Variants in PDZRN4 observed in about 807,000 individuals in gnomAD.
PDZRN4 encodes PDZ domain containing ring finger 4.
PDZRN4 carries 70 observed loss-of-function variants against 99.0 expected under a neutral mutation model. The ratio of observed to expected loss-of-function variants is 0.71; its 90% CI spans 0.58 to 0.86. The LOEUF (loss-of-function observed/expected upper bound fraction) is 0.86, where lower values mean the gene tolerates loss of function less well. Among genes scored for constraint, PDZRN4 ranks in the 40% least tolerant of loss-of-function variants. PDZRN4 has a pLI of 0.00. For missense variants in PDZRN4, 1,474 were observed against 1,331.2 expected (o/e 1.11, Z -1.67); for synonymous variants, 551 against 501.6 (o/e 1.10, Z -1.32).
intron 3 of PDZRN4, among the ~76,000 whole-genome samples, chr12:41,300,248 TAA>T (rs1371372822): frequency 1.3e-5 from 2 of 151,922 alleles, no homozygotes; most frequent in Non-Finnish European, 2.9e-5. Context: ...TCTTCTGAAA[TAA>T]GTGTATTTAT....
intron 9 of PDZRN4, among the ~76,000 whole-genome samples, chr12:41,568,443 GTAT>G (rs1304139282): frequency 2.0e-5 from 3 of 152,112 alleles, no homozygotes; most frequent in Non-Finnish European, 4.4e-5. Flanking sequence ...ATTTCCCATA[GTAT>G]AACTTGTGCA....
chr12:41,441,206 T>C (rs979891478), intron 3 of PDZRN4, among the ~76,000 whole-genome samples: 4 of 152,166 alleles, frequency 2.6e-5, no homozygotes, highest in Non-Finnish European at 5.9e-5. Context: ...TCTCATATTG[T>C]GATATGCAAG....
chr12:41,481,919 TAAG>T (rs1937679650), intron 3 of PDZRN4, among the ~76,000 whole-genome samples: 1 of 152,178 alleles, frequency 6.6e-6, no homozygotes, highest in Non-Finnish European at 1.5e-5. Flanking sequence ...TTTACCCGAT[TAAG>T]AAGAATAATT....
At chr12:41,254,085 C>A (rs1951188833) in intron 3 of PDZRN4, among the ~76,000 whole-genome samples, 1 of 150,976 alleles carries the variant, frequency 6.6e-6, no homozygotes, top group Non-Finnish European at 1.5e-5. Flanking sequence ...TACCTTTGAA[C>A]TACACACTTA....
At chr12:41,414,697 A>T (rs1430183233) in intron 3 of PDZRN4, among the ~76,000 whole-genome samples, 1 of 152,190 alleles carries the variant, frequency 6.6e-6, no homozygotes, top group Non-Finnish European at 1.5e-5. Flanking sequence ...GAAGCAGATA[A>T]GCATATATGA....
At chr12:41,346,133 G>A (rs149652636) in intron 3 of PDZRN4, among the ~76,000 whole-genome samples, 224 of 152,218 alleles carry the variant, frequency 1.5e-3, no homozygotes, top group African/African-American at 4.9e-3. Context: ...GATCTTGTGC[G>A]CATCCCCTGA....
At chr12:41,445,290 T>C (rs1952715750) in intron 3 of PDZRN4, among the ~76,000 whole-genome samples, 1 of 152,136 alleles carries the variant, frequency 6.6e-6, no homozygotes, top group Non-Finnish European at 1.5e-5. Context: ...ATTTCAATTT[T>C]GGTTACAAAT....
intron 3 of PDZRN4, among the ~76,000 whole-genome samples, chr12:41,389,181 T>C (rs943384618): frequency 3.3e-5 from 5 of 152,178 alleles, no homozygotes; most frequent in African/African-American, 4.8e-5. Context: ...AGATCTAAAA[T>C]GGAGTGTACT....
At chr12:41,339,253 G>A (rs143936959) in intron 3 of PDZRN4, among the ~76,000 whole-genome samples, 10 of 152,098 alleles carry the variant, frequency 6.6e-5, no homozygotes, top group African/African-American at 1.9e-4. Flanking sequence ...ACAGAATAGA[G>A]AACACATAAA....
chr12:41,384,115 G>C (rs1245487202), intron 3 of PDZRN4, among the ~76,000 whole-genome samples: 1 of 150,428 alleles, frequency 6.6e-6, no homozygotes, highest in Non-Finnish European at 1.5e-5. Flanking sequence ...CGATTCTATA[G>C]AGACTAAGCT....
chr12:41,433,398 G>T (rs1952601402), intron 3 of PDZRN4, among the ~76,000 whole-genome samples: 1 of 152,268 alleles, frequency 6.6e-6, no homozygotes, highest in Admixed American at 6.5e-5. Flanking sequence ...GTCTCTCTGG[G>T]CCTCAGGTTC....
intron 3 of PDZRN4, among the ~76,000 whole-genome samples, chr12:41,464,716 T>C (rs971025630): frequency 4.6e-5 from 7 of 152,152 alleles, no homozygotes; most frequent in African/African-American, 1.7e-4. Flanking sequence ...AGCAAAGACA[T>C]TTTGTGACAA....
chr12:41,512,953 T>C (rs531095475), intron 5 of PDZRN4, among the ~76,000 whole-genome samples: 6 of 152,228 alleles, frequency 3.9e-5, no homozygotes, highest in African/African-American at 1.4e-4. Flanking sequence ...TTAAAAGAAA[T>C]AGCTTCTAGT....
intron 3 of PDZRN4, among the ~76,000 whole-genome samples, chr12:41,439,117 A>T (rs1306010418): frequency 2.0e-5 from 3 of 152,198 alleles, no homozygotes; most frequent in African/African-American, 7.2e-5. Context: ...TGGTAATGTG[A>T]TCAGAGGCTC....
At chr12:41,470,114 T>G (rs1478174095) in intron 3 of PDZRN4, among the ~76,000 whole-genome samples, 7 of 152,238 alleles carry the variant, frequency 4.6e-5, no homozygotes, top group Non-Finnish European at 5.9e-5. Flanking sequence ...AAATCTTATT[T>G]CTGGGTCTCT....
chr12:41,329,902 C>A (rs563485260), intron 3 of PDZRN4, among the ~76,000 whole-genome samples: 2 of 152,214 alleles, frequency 1.3e-5, no homozygotes, highest in East Asian at 3.9e-4. Context: ...AAGGATGAAT[C>A]CTCAATCCTC....
chr12:41,344,617 T>C (rs1951839834), intron 3 of PDZRN4, among the ~76,000 whole-genome samples: 1 of 151,656 alleles, frequency 6.6e-6, no homozygotes, highest in Non-Finnish European at 1.5e-5. Context: ...GGAAACTGGG[T>C]GAAATGTTTT....
chr12:41,292,306 C>G (rs1951461601), intron 3 of PDZRN4, among the ~76,000 whole-genome samples: 1 of 152,186 alleles, frequency 6.6e-6, no homozygotes, highest in African/African-American at 2.4e-5. Flanking sequence ...CGTTCCAGAT[C>G]TTGGCCTTCT....
intron 3 of PDZRN4, among the ~76,000 whole-genome samples, chr12:41,211,259 G>A (rs1950886583): frequency 6.6e-6 from 1 of 151,932 alleles, no homozygotes; most frequent in African/African-American, 2.4e-5. Context: ...AAGATGACTA[G>A]ATTCTAGATT....
Sources: gnomAD v4.1 joint callset for allele counts (sites outside exome capture counted in the v4.1 genomes callset) on GRCh38, gnomAD v4.1.1 for gene constraint, MANE v1.5 for transcripts, NCBI Gene and HGNC (gene_info 2026-07-23, HGNC 2026-07-21) for gene names.